The following PARD3B variants were observed in gnomAD, a reference collection of about 807,000 sequenced individuals.
PARD3B encodes the protein par-3 family cell polarity regulator beta.
Under a neutral mutation model 130.2 loss-of-function variants are expected in PARD3B, and 103 were observed. The observed-to-expected ratio is 0.79, with a 90% CI of 0.67 to 0.93. The LOEUF (loss-of-function observed/expected upper bound fraction) is 0.93. Among genes scored for constraint, PARD3B ranks in the 40% least tolerant of loss-of-function variants. The probability of loss-of-function intolerance (pLI) is 0.00; values close to 1 mark genes in which losing one functional copy is unlikely to be tolerated. For missense variants in PARD3B, 1,609 were observed against 1,499.2 expected (o/e 1.07, Z -1.21); for synonymous variants, 583 against 553.2 (o/e 1.05, Z -0.76).
chr2:204,971,618 CTG>C (rs1309602163), intron 3 of PARD3B, among the ~76,000 whole-genome samples: 3 of 149,454 alleles, frequency 2.0e-5, no homozygotes, highest in African/African-American at 4.9e-5. Context: ...CCCTGGGAGT[CTG>C]TTTTTTTTTT....
At position 204,702,481 on chromosome 2, in the gene PARD3B, C is replaced by T. The variant is rs562985700; in HGVS notation, c.222+16199C>T. ...ATTGTGGTTTTAATTTGCGGTTCTC[C>T]AGTGATTAATAATGATGAGCATTTT... On this transcript the variant is annotated intron_variant, in intron 2 of 22. Transcript: ENST00000406610. Among the ~76,000 whole-genome samples, 5 of 152,232 alleles carry T rather than the reference C, an allele frequency of 3.3e-5. No individual in the cohort carries two copies. The East Asian group carries it at 5.8e-4, about 18-fold the overall frequency.
In PARD3B at chr2:205,183,729, GTT is replaced by G. The variant is rs1491277483; in HGVS notation, c.1925-2034_1925-2033del. Among the ~76,000 whole-genome samples the G allele has an allele frequency of 9.4e-3, 899 of 95,762 alleles. 6 individuals carry two copies. The highest frequency in any genetic ancestry group is 0.033 in the African/African-American group (840 of 25,698). 62.8% of individuals were successfully genotyped at this position (95,762 alleles called of 152,430 possible). The stretch of plus-strand genomic sequence containing the variant: ...GGGTTCTGCAGAGAAACAGAACCAA[GTT>G]GTGTGTGTGTGTGTGTGTGTGTGTG... On this transcript the variant is annotated intron_variant, in intron 13 of 22. Coordinates refer to ENST00000406610, the MANE Select transcript of PARD3B (RefSeq NM_001302769.2). This position sits in a 1 kb window ranked among gnomAD's most constrained non-coding sequence, Gnocchi z 5.2.
chr2:204,827,141 T>C (rs2043614134), intron 2 of PARD3B, among the ~76,000 whole-genome samples: 1 of 152,208 alleles, frequency 6.6e-6, no homozygotes, highest in Non-Finnish European at 1.5e-5. Flanking sequence ...AACTAGAAAA[T>C]GTGACTGTCA....
intron 11 of PARD3B, among the ~76,000 whole-genome samples, chr2:205,163,648 C>T (rs758990700): frequency 2.0e-5 from 3 of 152,142 alleles, no homozygotes; most frequent in South Asian, 2.1e-4. Flanking sequence ...AGAAACATGG[C>T]GCTTGATCCT....
At chr2:205,607,732 A>C (rs995951588) in intron 22 of PARD3B, among the ~76,000 whole-genome samples, 4 of 151,942 alleles carry the variant, frequency 2.6e-5, no homozygotes, top group African/African-American at 9.7e-5. Context: ...CTGCACTTAC[A>C]TTTCTGCTTC....
At chr2:204,924,662 G>T (rs1287546288) in intron 2 of PARD3B, among the ~76,000 whole-genome samples, 1 of 151,968 alleles carries the variant, frequency 6.6e-6, no homozygotes, top group Non-Finnish European at 1.5e-5. Context: ...TAATAGAAAT[G>T]CTGAATATTA....
chr2:204,828,790 GAGTT>G (rs1288660048), intron 2 of PARD3B, among the ~76,000 whole-genome samples: 3 of 152,140 alleles, frequency 2.0e-5, no homozygotes, highest in Non-Finnish European at 4.4e-5. Flanking sequence ...CCTCATCAAA[GAGTT>G]AGCTACTCTT....
chr2:204,696,612 A>C (rs1198423415), intron 2 of PARD3B, among the ~76,000 whole-genome samples: 1 of 152,104 alleles, frequency 6.6e-6, no homozygotes, highest in Non-Finnish European at 1.5e-5. Flanking sequence ...ATACATTTTT[A>C]GTAAATAAGA....
rs779130411 is a variant in PARD3B, at chr2:205,078,475, A to C, written c.505-25951A>C. On this transcript the variant is annotated intron_variant, in intron 4 of 22. Transcript: ENST00000406610. The surrounding 1 kb of genome is among the most constrained non-coding windows in gnomAD (Gnocchi z 4.0). ...TCTCTTAATGAATGCTACTTAATCC[A>C]TTAGGGTTCACATAAGTATTCTATC... Among the ~76,000 whole-genome samples the C allele has an allele frequency of 6.6e-6, 1 of 152,184 alleles. No homozygotes were observed. The highest frequency in any genetic ancestry group is 1.5e-5 in the Non-Finnish European group (1 of 68,028).
intron 21 of PARD3B, among the ~76,000 whole-genome samples, chr2:205,542,969 A>G (rs2052226254): frequency 6.6e-6 from 1 of 152,192 alleles, no homozygotes; most frequent in African/African-American, 2.4e-5. Context: ...AAACATTTTG[A>G]TAGTATGTTT....
intron 15 of PARD3B, among the ~76,000 whole-genome samples, chr2:205,222,274 T>G (rs1330397444): frequency 6.6e-6 from 1 of 152,168 alleles, no homozygotes; most frequent in East Asian, 1.9e-4. Context: ...TATGTAGTTC[T>G]TTATGGCAAA....
At position 204,823,478 on chromosome 2, in the gene PARD3B, T is replaced by G. The variant is rs566010486; in HGVS notation, c.222+137196T>G. Among the ~76,000 whole-genome samples the G allele has an allele frequency of 2.6e-5, 4 of 152,202 alleles. No individual in the cohort carries two copies. The South Asian group carries it at 8.3e-4, about 32-fold the overall frequency. ...AGGTAACAATTCTGCCTTCATGGTT[T>G]TTATAGGCTACTGGCTACATACATA... On this transcript the variant is annotated intron_variant, in intron 2 of 22. Transcript: ENST00000406610.
intron 1 of PARD3B, among the ~76,000 whole-genome samples, chr2:204,573,560 C>T (rs892460818): frequency 6.6e-6 from 1 of 152,158 alleles, no homozygotes; most frequent in African/African-American, 2.4e-5. Context: ...TACAACTTCC[C>T]TGCCACATGC....
At chr2:204,976,642 A>G (rs1248595710) in intron 3 of PARD3B, among the ~76,000 whole-genome samples, 2 of 115,400 alleles carry the variant, frequency 1.7e-5, no homozygotes, top group East Asian at 2.5e-4. Flanking sequence ...GAGTCTTGCT[A>G]TGTGGCCCAG....
At chr2:205,548,152 GA>G (rs1442890814) in intron 21 of PARD3B, among the ~76,000 whole-genome samples, 3 of 151,990 alleles carry the variant, frequency 2.0e-5, no homozygotes, top group African/African-American at 7.2e-5. Flanking sequence ...GTGTTCCTAA[GA>G]ATAGTATTAG....
chr2:205,212,302 C>T (rs1370136429), intron 15 of PARD3B, among the ~76,000 whole-genome samples: 1 of 152,058 alleles, frequency 6.6e-6, no homozygotes, highest in Non-Finnish European at 1.5e-5. Flanking sequence ...TTGCTCACAA[C>T]CATTAGTGCA....
At chr2:205,266,930 C>T (rs1280577261) in intron 16 of PARD3B, among the ~76,000 whole-genome samples, 1 of 152,034 alleles carries the variant, frequency 6.6e-6, no homozygotes, top group Non-Finnish European at 1.5e-5. Context: ...ATAGTCAGGG[C>T]TGTTAAAAGG....
chr2:205,339,021 TC>T (rs1204639709), intron 18 of PARD3B, among the ~76,000 whole-genome samples: 1 of 152,210 alleles, frequency 6.6e-6, no homozygotes, highest in African/African-American at 2.4e-5. Context: ...TCTGGTAGCC[TC>T]TATTAACATG....
intron 10 of PARD3B, among the ~76,000 whole-genome samples, chr2:205,150,239 GTGTGTGTGTGTGTGCA>G (rs1437595822): frequency 4.7e-5 from 6 of 127,838 alleles, no homozygotes; most frequent in East Asian, 2.3e-4. Context: ...GTGTGTGTGT[GTGTGTGTGTGTGTGCA>G]CACACGCTTG....
Sources: allele counts gnomAD v4.1 joint callset (sites outside exome capture counted in the v4.1 genomes callset), GRCh38; gene constraint gnomAD v4.1.1; non-coding constraint Gnocchi (gnomAD v3.1); transcripts MANE v1.5; gene names NCBI Gene and HGNC (gene_info 2026-07-23, HGNC 2026-07-21).